Variants in WFDC5 observed in about 807,000 individuals in gnomAD.
The protein encoded by WFDC5 is WAP four-disulfide core domain 5.
WFDC5 carries 15 observed loss-of-function variants against 15.7 expected under a neutral mutation model. The observed-to-expected ratio is 0.96, with a 90% CI of 0.64 to 1.47. The LOEUF is 1.47. Ranked by LOEUF, WFDC5 falls within the 40% of genes most tolerant of loss-of-function variation. The pLI, the probability that WFDC5 is intolerant of heterozygous loss-of-function variation, is 0.00. For missense variants in WFDC5, 280 were observed against 258.0 expected (o/e 1.09, Z -0.59); for synonymous variants, 109 against 107.7 (o/e 1.01, Z -0.07).
chr20:45,112,296 C>T (rs139833743), intron 1 of WFDC5, among the ~76,000 whole-genome samples: 44 of 152,240 alleles, frequency 2.9e-4, no homozygotes, highest in Middle Eastern at 3.4e-3. Context: ...CACTCAAAGC[C>T]GGTGGAGCCG....
In WFDC5 at chr20:45,110,485, G is replaced by A. The variant is rs1482765089; in HGVS notation, c.282C>T (p.His94=). The change falls in exon 3 of 4, where the codon CAC becomes CAT. Residue 94 remains histidine, a synonymous_variant. Transcript: ENST00000307971. ...AGCAGTCTGAGTCCTTGTGACACAGGTGGTTCATGGGGCTGAGGCAGCGCA... is the reference window on the plus strand; with the variant it reads ...AGCAGTCTGAGTCCTTGTGACACAGATGGTTCATGGGGCTGAGGCAGCGCA... 3 of 1,614,076 alleles carry A rather than the reference G, an allele frequency of 1.9e-6. No homozygotes were observed. The African/African-American group carries it at 4.0e-5, about 22-fold the overall frequency.
intron 3 of WFDC5, 107 bp from the exon 4 acceptor site, chr20:45,110,120 G>A: frequency 6.7e-7 from 1 of 1,484,296 alleles, no homozygotes; most frequent in Non-Finnish European, 9.1e-7. Context: ...TTGCCACCAA[G>A]GCAGGATTCC....
exon 3 of WFDC5, chr20:45,110,507 C>T (rs114645401): frequency 2.7e-5 from 44 of 1,614,070 alleles, no homozygotes; most frequent in Admixed American, 1.0e-4. Context: ...GCTGAGGCAG[C>T]GCAGTTGGTC....
At chr20:45,110,122 C>A in intron 3 of WFDC5, 109 bp from the exon 4 acceptor site, 1 of 1,467,854 alleles carries the variant, frequency 6.8e-7, no homozygotes, top group Non-Finnish European at 9.2e-7. Context: ...GCCACCAAGG[C>A]AGGATTCCTC....
chr20:45,114,930 A>C, intron 1 of WFDC5, 69 bp downstream of exon 1: 1 of 1,562,138 alleles, frequency 6.4e-7, no homozygotes, highest in South Asian at 1.2e-5. Context: ...GCCTTCCCCC[A>C]AACCCTTACT....
At chr20:45,111,717 C>A (rs1248433727) in intron 1 of WFDC5, among the ~76,000 whole-genome samples, 7 of 152,154 alleles carry the variant, frequency 4.6e-5, no homozygotes, top group Admixed American at 2.0e-4. Context: ...ATTTCATGCA[C>A]AAAGCTGGAA....
At chr20:45,111,293 G>T (rs61635594) in intron 1 of WFDC5, among the ~76,000 whole-genome samples, 2 of 46,316 alleles carry the variant, frequency 4.3e-5, no homozygotes, top group South Asian at 7.3e-4. Context: ...CCCCCACCCC[G>T]GCCCCCACAC....
intron 1 of WFDC5, among the ~76,000 whole-genome samples, chr20:45,112,825 A>G (rs1386466843): frequency 6.6e-6 from 1 of 152,200 alleles, no homozygotes. Context: ...ACATATATAC[A>G]TATGGACATA....
upstream of WFDC5, among the ~76,000 whole-genome samples, chr20:45,116,313 C>T (rs1235999571): frequency 1.3e-5 from 2 of 152,090 alleles, no homozygotes; most frequent in Non-Finnish European, 2.9e-5. Context: ...AATGCTGGCA[C>T]CTCCTTGGAA....
chr20:45,112,655 A>G (rs1981653297), intron 1 of WFDC5, among the ~76,000 whole-genome samples: 2 of 152,200 alleles, frequency 1.3e-5, no homozygotes, highest in South Asian at 2.1e-4. Context: ...ATGGTTAAAT[A>G]TATACACTTG....
chr20:45,109,842 G>T lies in WFDC5; in HGVS notation c.565C>A (p.Pro189Thr), dbSNP rs757730628. 2.2e-5 allele frequency: 21 copies of T among 962,992 alleles called. No individual in the cohort carries two copies. In the African/African-American group the frequency reaches 3.2e-4, roughly 15 times the overall value. The allele number at this position is 962,992 out of a possible 1,614,324, so 59.7% of individuals were successfully genotyped here. Residue 189 changes from proline (P) to threonine (T), a missense_variant, in exon 4 of 4, where the codon CCC becomes ACC. Physicochemically the swap from Pro to Thr is conservative, Grantham distance 38 (BLOSUM62 -1). Transcript: ENST00000307971. The stretch of plus-strand genomic sequence containing the variant: ...TTGACTCCCAGGAGGAGAAACCAGG[G>T]GTGGATGGGTTGCAGGGAAGTGTCA...
chr20:45,114,573 C>T (rs1184882003), intron 1 of WFDC5, among the ~76,000 whole-genome samples: 1 of 152,102 alleles, frequency 6.6e-6, no homozygotes, highest in Non-Finnish European at 1.5e-5. Context: ...CACAGAGACA[C>T]ACATGGACAG....
intron 3 of WFDC5, 49 bp downstream of exon 3, chr20:45,110,351 C>G: frequency 6.4e-7 from 1 of 1,553,736 alleles, no homozygotes. Context: ...AGTATTAGAG[C>G]TGGGCTCGGA....
exon 1 of WFDC5, chr20:45,115,068 G>C: frequency 1.2e-6 from 2 of 1,613,208 alleles, no homozygotes; most frequent in Non-Finnish European, 1.7e-6. Flanking sequence ...AGGAGGAGAA[G>C]GCTCTGGGTC....
intron 1 of WFDC5, 48 bp from the exon 2 acceptor site, chr20:45,110,823 T>G (rs374682351): frequency 2.5e-6 from 4 of 1,609,182 alleles, no homozygotes; most frequent in Non-Finnish European, 3.4e-6. Flanking sequence ...CTCACGGTTA[T>G]GTAATAAGCG....
chr20:45,110,107 T>G, intron 3 of WFDC5, 94 bp from the exon 4 acceptor site: 2 of 1,523,104 alleles, frequency 1.3e-6, no homozygotes, highest in Non-Finnish European at 1.8e-6. Context: ...AGCTCAGCTC[T>G]GGTTGCCACC....
chr20:45,115,043 G>T, exon 1 of WFDC5: 1 of 1,613,594 alleles, frequency 6.2e-7, no homozygotes, highest in Non-Finnish European at 8.5e-7. Flanking sequence ...ACTCCCCACA[G>T]CCAGGAGGGC....
chr20:45,109,820 A>T (rs1981559585), exon 4 of WFDC5: 1 of 814,956 alleles, frequency 1.2e-6, no homozygotes, highest in Admixed American at 2.0e-5. Flanking sequence ...ATGGACTTTG[A>T]CTCCCAGGAG....
At chr20:45,114,329 C>T (rs900347002) in intron 1 of WFDC5, among the ~76,000 whole-genome samples, 15 of 152,172 alleles carry the variant, frequency 9.9e-5, no homozygotes, top group Admixed American at 3.3e-4. Context: ...CTCAGCAGCC[C>T]TCCCTCACCT....
Sources: allele counts gnomAD v4.1 joint callset (sites outside exome capture counted in the v4.1 genomes callset), GRCh38; gene constraint gnomAD v4.1.1; transcripts MANE v1.5; gene names NCBI Gene and HGNC (gene_info 2026-07-23, HGNC 2026-07-21).